CBL: variants seen among roughly 807,000 people sequenced by gnomAD.
CBL encodes E3 ubiquitin-protein ligase CBL.
CBL carries 45 observed loss-of-function variants against 96.9 expected under a neutral mutation model. That is an observed-to-expected ratio of 0.46 (90% CI 0.37 to 0.60). CBL has a LOEUF of 0.60. Among genes scored for constraint, CBL ranks in the 20% least tolerant of loss-of-function variants. The pLI is 0.00. For synonymous variants in CBL, 420 were observed against 426.8 expected (o/e 0.98, Z 0.20); for missense variants, 1,024 against 1,143.5 (o/e 0.90, Z 1.51).
chr11:119,260,193 A>G (rs1483232814), intron 2 of CBL, among the ~76,000 whole-genome samples: 1 of 150,934 alleles, frequency 6.6e-6, no homozygotes, highest in Non-Finnish European at 1.5e-5. Flanking sequence ...AGTAGTGATG[A>G]TGAGCATGGA....
intron 1 of CBL, among the ~76,000 whole-genome samples, chr11:119,227,059 G>A (rs1034644788): frequency 6.6e-6 from 1 of 152,118 alleles, no homozygotes; most frequent in African/African-American, 2.4e-5. Context: ...GGGATTTTTC[G>A]ACTTTATGAT....
intron 1 of CBL, among the ~76,000 whole-genome samples, chr11:119,231,142 C>T (rs143625638): frequency 1.3e-5 from 2 of 152,284 alleles, no homozygotes; most frequent in African/African-American, 4.8e-5. Flanking sequence ...GTGGCTCATG[C>T]CTGTAATCCC....
At chr11:119,211,169 C>T (rs12364448) in intron 1 of CBL, among the ~76,000 whole-genome samples, 3 of 152,008 alleles carry the variant, frequency 2.0e-5, no homozygotes, top group Non-Finnish European at 4.4e-5. Context: ...GTCAGGAGTT[C>T]GAGACCAGCC....
At chr11:119,259,650 T>G (rs1949738278) in intron 2 of CBL, among the ~76,000 whole-genome samples, 1 of 152,116 alleles carries the variant, frequency 6.6e-6, no homozygotes, top group Non-Finnish European at 1.5e-5. Context: ...AAATTGATAA[T>G]TTTTGAGGTG....
Position 119,304,403 on chromosome 11 carries a change from G to T in CBL, c.*4622G>T, listed in dbSNP as rs994824461. The T allele has an allele frequency of 2.1e-5, 5 of 233,108 alleles. No homozygotes were observed. The highest frequency in any genetic ancestry group is 8.8e-5 in the African/African-American group (4 of 45,324). 14.4% of individuals were successfully genotyped at this position (233,108 alleles called of 1,614,324 possible). A position where few individuals can be genotyped will look rare whatever the true frequency, so the allele number is the denominator to read the frequency against. ...ATGTTCAAGCGGAATAAAGGAGGGAGTGGAGTTGTGGTAAGGATGCAGGGT... is the reference window on the plus strand; with the variant it reads ...ATGTTCAAGCGGAATAAAGGAGGGATTGGAGTTGTGGTAAGGATGCAGGGT... On this transcript the variant is annotated 3_prime_UTR_variant, in exon 16 of 16. Coordinates refer to ENST00000264033, the MANE Select transcript of CBL (RefSeq NM_005188.4).
chr11:119,276,214 A>G, intron 6 of CBL, 80 bp downstream of exon 6: 1 of 1,416,522 alleles, frequency 7.1e-7, no homozygotes. Context: ...ACTTTATTCC[A>G]GGTTTCTTAA....
intron 12 of CBL, among the ~76,000 whole-genome samples, chr11:119,288,267 C>T (rs533578405): frequency 2.0e-5 from 3 of 152,290 alleles, no homozygotes; most frequent in South Asian, 2.1e-4. Flanking sequence ...GTTTTCCTAG[C>T]TTCATGAAAT....
intron 5 of CBL, among the ~76,000 whole-genome samples, chr11:119,275,379 A>G (rs1182351015): frequency 2.0e-5 from 3 of 152,064 alleles, no homozygotes; most frequent in Non-Finnish European, 4.4e-5. Flanking sequence ...TGGAGGTTGC[A>G]GTGAGCCGAG....
chr11:119,233,503 G>A (rs1949520410), intron 2 of CBL, among the ~76,000 whole-genome samples: 1 of 152,136 alleles, frequency 6.6e-6, no homozygotes, highest in African/African-American at 2.4e-5. Context: ...CAAGGTGCTG[G>A]GATTACAGAT....
chr11:119,233,288 T>C (rs1237170104), intron 2 of CBL, among the ~76,000 whole-genome samples: 1 of 152,194 alleles, frequency 6.6e-6, no homozygotes, highest in African/African-American at 2.4e-5. Flanking sequence ...TCTGGCTCTG[T>C]CGCCCAGGCT....
At chr11:119,245,400 CTT>C (rs1233424789) in intron 2 of CBL, among the ~76,000 whole-genome samples, 8 of 151,988 alleles carry the variant, frequency 5.3e-5, no homozygotes. Flanking sequence ...CCTTTAAACA[CTT>C]AACAATAATA....
intron 12 of CBL, among the ~76,000 whole-genome samples, chr11:119,288,555 T>C (rs1455783142): frequency 6.6e-6 from 1 of 152,172 alleles, no homozygotes; most frequent in Non-Finnish European, 1.5e-5. Context: ...GGTCCTCCTA[T>C]TCTTATGACT....
At chr11:119,206,636 C>G (rs1359363020) in intron 1 of CBL, 24 bp downstream of exon 1, 1 of 1,542,524 alleles carries the variant, frequency 6.5e-7, no homozygotes, top group Non-Finnish European at 8.7e-7. Flanking sequence ...TGAGCGCCCG[C>G]TGTTGCAGGG....
At chr11:119,207,796 G>A (rs1010859757) in intron 1 of CBL, among the ~76,000 whole-genome samples, 6 of 152,282 alleles carry the variant, frequency 3.9e-5, no homozygotes, top group African/African-American at 1.4e-4. Context: ...ATTTCCTCCA[G>A]GGTAAAATTT....
chr11:119,219,546 C>G (rs1475419969), intron 1 of CBL, among the ~76,000 whole-genome samples: 1 of 152,010 alleles, frequency 6.6e-6, no homozygotes, highest in Non-Finnish European at 1.5e-5. Context: ...TGGTATTATC[C>G]TTGGTTTGAG....
chr11:119,240,800 C>CAGTG (rs1949580579), intron 2 of CBL, among the ~76,000 whole-genome samples: 1 of 152,026 alleles, frequency 6.6e-6, no homozygotes, highest in South Asian at 2.1e-4. Context: ...TGGCTGGGTG[C>CAGTG]AGTGGCTCAT....
intron 1 of CBL, among the ~76,000 whole-genome samples, chr11:119,220,009 C>A: frequency 6.6e-6 from 1 of 152,058 alleles, no homozygotes; most frequent in Non-Finnish European, 1.5e-5. Context: ...GCCACCACGC[C>A]CGGCTAATTT....
At position 119,284,963 on chromosome 11, in the gene CBL, C is replaced by T. The variant is rs371919794; in HGVS notation, c.1432-6C>T. The T allele has an allele frequency of 2.3e-5, 37 of 1,613,876 alleles. No homozygotes were observed. The African/African-American group carries it at 3.3e-4, about 15-fold the overall frequency. On this transcript the variant is annotated splice_polypyrimidine_tract_variant and splice_region_variant and intron_variant, in intron 9 of 15. Transcript: ENST00000264033. ...AGTAATCTGTTAAATTTTTTATGTACCCTAGGTGGAACGGCCGCCTTCTCC... is the reference window on the plus strand; with the variant it reads ...AGTAATCTGTTAAATTTTTTATGTATCCTAGGTGGAACGGCCGCCTTCTCC...
At position 119,285,482 on chromosome 11, in the gene CBL, A is replaced by C. The variant is rs1326746934; in HGVS notation, c.1857A>C (p.Ser619=). ...WTGRELTNRH[S]LPFSLPSQME... is the part of the protein sequence containing the mutation. Reference sequence around the variant, plus strand: ...GAAGAGAATTAACCAACCGGCACTCACTTCCATTTTCATTGCCCTCACAAA... The same window carrying C: ...GAAGAGAATTAACCAACCGGCACTCCCTTCCATTTTCATTGCCCTCACAAA... The change falls in exon 11 of 16, where the codon TCA becomes TCC. Residue 619 remains serine (S), a synonymous_variant. Transcript: ENST00000264033. 6.2e-7 allele frequency: 1 copy of C among 1,614,152 alleles called. No homozygotes were observed. The highest frequency in any genetic ancestry group is 1.7e-5 in the Admixed American group (1 of 60,026).
Sources: allele counts gnomAD v4.1 joint callset (sites outside exome capture counted in the v4.1 genomes callset), GRCh38; gene constraint gnomAD v4.1.1; transcripts MANE v1.5; gene names NCBI Gene and HGNC (gene_info 2026-07-23, HGNC 2026-07-21).